The following STIMATE variants were observed in gnomAD, a reference collection of about 807,000 sequenced individuals.
The protein encoded by STIMATE is store-operated calcium entry regulator STIMATE.
Under a neutral mutation model 36.7 loss-of-function variants are expected in STIMATE, and 15 were observed. That is an observed-to-expected ratio of 0.41 (90% CI 0.27 to 0.63). STIMATE has a LOEUF of 0.63. Ranked by LOEUF, STIMATE falls within the 20% of genes least tolerant of loss-of-function variation. The pLI, the probability that STIMATE is intolerant of heterozygous loss-of-function variation, is 0.32. For synonymous variants in STIMATE, 163 were observed against 162.3 expected (o/e 1.00, Z -0.03); for missense variants, 305 against 397.3 (o/e 0.77, Z 1.98).
intron 1 of STIMATE, among the ~76,000 whole-genome samples, chr3:52,891,993 A>G (rs1347626487): frequency 1.3e-5 from 2 of 152,220 alleles, no homozygotes; most frequent in Non-Finnish European, 2.9e-5. Flanking sequence ...AGAAATGCAG[A>G]AGTTGCTCAG....
intron 1 of STIMATE, among the ~76,000 whole-genome samples, chr3:52,868,723 C>T (rs1235745748): frequency 2.0e-5 from 3 of 152,148 alleles, no homozygotes; most frequent in Non-Finnish European, 2.9e-5. Flanking sequence ...CCTGGGTTCA[C>T]GTGATTCTCC....
chr3:52,888,659 G>A (rs1200954936), intron 1 of STIMATE, among the ~76,000 whole-genome samples: 3 of 152,142 alleles, frequency 2.0e-5, no homozygotes, highest in Admixed American at 1.3e-4. Context: ...AAAAGCCCAC[G>A]AAGAACACAG....
At chr3:52,896,746 A>G (rs566579221) in intron 1 of STIMATE, among the ~76,000 whole-genome samples, 1 of 152,326 alleles carries the variant, frequency 6.6e-6, no homozygotes, top group South Asian at 2.1e-4. Context: ...AAGCTGAGGA[A>G]GAAGGGCCAC....
At chr3:52,884,523 G>C (rs536825157) in intron 1 of STIMATE, among the ~76,000 whole-genome samples, 80 of 152,292 alleles carry the variant, frequency 5.3e-4, no homozygotes, top group African/African-American at 1.8e-3. Context: ...TGGGATTACA[G>C]GCGTGACCTA....
intron 1 of STIMATE, among the ~76,000 whole-genome samples, chr3:52,874,435 T>C (rs1170783777): frequency 6.6e-6 from 1 of 152,190 alleles, no homozygotes; most frequent in African/African-American, 2.4e-5. Context: ...CAGAGGCATA[T>C]ACAATAAACT....
intron 1 of STIMATE, among the ~76,000 whole-genome samples, chr3:52,877,301 C>T (rs1000656644): frequency 1.3e-5 from 2 of 152,238 alleles, no homozygotes; most frequent in Non-Finnish European, 2.9e-5. Flanking sequence ...CCACTGGCTG[C>T]GGCTCCAGGC....
chr3:52,880,382 C>A (rs1312555473), intron 1 of STIMATE, among the ~76,000 whole-genome samples: 1 of 152,096 alleles, frequency 6.6e-6, no homozygotes, highest in African/African-American at 2.4e-5. Context: ...CAAGAGTGGA[C>A]CAAACAACAA....
At chr3:52,885,333 C>T (rs1701672782) in intron 1 of STIMATE, among the ~76,000 whole-genome samples, 1 of 152,050 alleles carries the variant, frequency 6.6e-6, no homozygotes, top group Non-Finnish European at 1.5e-5. Flanking sequence ...GTCATATTTG[C>T]AAGTATTTTC....
intron 1 of STIMATE, among the ~76,000 whole-genome samples, chr3:52,879,284 G>A (rs1701562613): frequency 6.6e-6 from 1 of 152,188 alleles, no homozygotes; most frequent in African/African-American, 2.4e-5. Flanking sequence ...GCCAGAGACA[G>A]GGCAGCAGAC....
At chr3:52,860,257 G>C (rs1390878826) in intron 1 of STIMATE, among the ~76,000 whole-genome samples, 1 of 152,136 alleles carries the variant, frequency 6.6e-6, no homozygotes, top group Non-Finnish European at 1.5e-5. Context: ...CTAGTAGGGA[G>C]AGGAATAACA....
rs978010570 is a variant in STIMATE, at chr3:52,836,755, A to G, written c.*3739T>C. 3 of 363,722 alleles carry G rather than the reference A, an allele frequency of 8.2e-6. No homozygotes were observed. Among genetic ancestry groups the G allele is most frequent in the Admixed American group, 7.0e-5 (2 of 28,512 alleles). The allele number at this position is 363,722 out of a possible 1,614,324, so 22.5% of individuals were successfully genotyped here. On this transcript the variant is annotated 3_prime_UTR_variant, in exon 8 of 8. Transcript: ENST00000355083. ...TGGTTTCTTTTTAAAAAAAACTGTAATAAGATGCCAAACTTTATTGTAAAC... is the reference window on the plus strand; with the variant it reads ...TGGTTTCTTTTTAAAAAAAACTGTAGTAAGATGCCAAACTTTATTGTAAAC...
At chr3:52,882,618 A>T (rs975117551) in intron 1 of STIMATE, among the ~76,000 whole-genome samples, 4 of 152,208 alleles carry the variant, frequency 2.6e-5, no homozygotes, top group African/African-American at 9.7e-5. Flanking sequence ...AGAACAAGGC[A>T]CTAGAAGTAG....
intron 1 of STIMATE, among the ~76,000 whole-genome samples, chr3:52,868,779 T>A (rs2106698923): frequency 6.6e-6 from 1 of 152,274 alleles, no homozygotes; most frequent in East Asian, 1.9e-4. Context: ...CGCGCCACCA[T>A]GCCTGGCTAA....
chr3:52,852,467 T>C, intron 3 of STIMATE, 136 bp downstream of exon 3: 2 of 1,070,638 alleles, frequency 1.9e-6, no homozygotes, highest in Non-Finnish European at 2.7e-6. Context: ...GGATGGTCTC[T>C]CAGAGGAGCA....
chr3:52,883,655 T>C (rs1455643375), intron 1 of STIMATE, among the ~76,000 whole-genome samples: 1 of 152,240 alleles, frequency 6.6e-6, no homozygotes. Context: ...CTTTCTGCAC[T>C]TTAATTTATA....
intron 1 of STIMATE, among the ~76,000 whole-genome samples, chr3:52,883,586 A>G (rs1430411055): frequency 6.6e-6 from 1 of 152,104 alleles, no homozygotes; most frequent in Non-Finnish European, 1.5e-5. Context: ...TAGACCTTTG[A>G]TATTTTCCCA....
chr3:52,847,817 G>A (rs1317825401), intron 4 of STIMATE, among the ~76,000 whole-genome samples: 1 of 152,194 alleles, frequency 6.6e-6, no homozygotes. Flanking sequence ...GAGTGTCCAG[G>A]TGGGGCCAAT....
intron 6 of STIMATE, 136 bp from the exon 7 acceptor site, chr3:52,843,096 C>G: frequency 7.1e-7 from 1 of 1,416,274 alleles, no homozygotes; most frequent in African/African-American, 1.4e-5. Flanking sequence ...TCCAATCACC[C>G]TGCTCTCTCC....
chr3:52,873,876 C>A (rs887845779), intron 1 of STIMATE, among the ~76,000 whole-genome samples: 2 of 152,202 alleles, frequency 1.3e-5, no homozygotes, highest in African/African-American at 4.8e-5. Flanking sequence ...TGCCATGCAT[C>A]ACCACTACAC....
Sources: allele counts gnomAD v4.1 joint callset (sites outside exome capture counted in the v4.1 genomes callset), GRCh38; gene constraint gnomAD v4.1.1; transcripts MANE v1.5; gene names NCBI Gene and HGNC (gene_info 2026-07-23, HGNC 2026-07-21).